The following RCAN1 variants were observed in gnomAD, a reference collection of about 807,000 sequenced individuals.
The protein encoded by RCAN1 is regulator of calcineurin 1, also known as calcipressin-1.
In RCAN1, 11 loss-of-function variants were observed where a neutral mutation model predicts 22.9. The observed-to-expected ratio is 0.48, with a 90% confidence interval of 0.30 to 0.79. RCAN1 has a LOEUF of 0.79. Ranked by LOEUF, RCAN1 falls within the 30% of genes least tolerant of loss-of-function variation. RCAN1 has a pLI of 0.06. For synonymous variants in RCAN1, 136 were observed against 142.3 expected, an observed-to-expected ratio of 0.96 and a Z score of 0.32; for missense variants, 291 against 337.8, an observed-to-expected ratio of 0.86 and a Z score of 1.09.
At chr21:34,601,691 G>A (rs1036196944) in intron 1 of RCAN1, among the ~76,000 whole-genome samples, 10 of 151,926 alleles carry the variant, frequency 6.6e-5, no homozygotes, top group Admixed American at 2.0e-4. Context: ...GGTGGTGGGC[G>A]CCTGTAGTCC....
At chr21:34,540,524 T>G (rs1985866127) in intron 1 of RCAN1, among the ~76,000 whole-genome samples, 1 of 152,166 alleles carries the variant, frequency 6.6e-6, no homozygotes, top group Non-Finnish European at 1.5e-5. Context: ...GTTCTTAGTA[T>G]TTACCACACT....
chr21:34,601,615 G>C (rs1439793631), intron 1 of RCAN1, among the ~76,000 whole-genome samples: 1 of 152,086 alleles, frequency 6.6e-6, no homozygotes, highest in Non-Finnish European at 1.5e-5. Flanking sequence ...TCAGGAGATC[G>C]AGATCATCTT....
At position 34,615,040 on chromosome 21, in the gene RCAN1, C is replaced by T; in HGVS notation, c.-29G>A. On this transcript the variant is annotated 5_prime_UTR_variant, in exon 1 of 4. Coordinates refer to ENST00000313806, the MANE Select transcript of RCAN1 (RefSeq NM_004414.7). ...CGCGCCCGCGCGACCCTGTGCGCCC[C>T]AGCGGGCTGCTCCGGGCTTGCGCGC... The T allele has an allele frequency of 9.7e-7, 1 of 1,030,268 alleles. No individual in the cohort carries two copies. The highest frequency in any genetic ancestry group is 1.2e-6 in the Non-Finnish European group (1 of 861,264). 63.8% of individuals were successfully genotyped at this position (1,030,268 alleles called of 1,614,324 possible). A position where few individuals can be genotyped will look rare whatever the true frequency, so the allele number is the denominator to read the frequency against.
rs1478532959 is a variant in RCAN1, at chr21:34,605,927, A to C, written c.252+8833T>G. On this transcript the variant is annotated intron_variant, in intron 1 of 3. Coordinates refer to ENST00000313806, the MANE Select transcript of RCAN1 (RefSeq NM_004414.7). Reference sequence around the variant, plus strand: ...AGAGCAAGACTCGGTCTCAGAAAAAAAAAAAAAAAAAAAGATGATGAGCAG... The same window carrying C: ...AGAGCAAGACTCGGTCTCAGAAAAACAAAAAAAAAAAAAGATGATGAGCAG... Among the ~76,000 whole-genome samples the C allele has an allele frequency of 1.6e-4, 25 of 151,868 alleles. No homozygotes were observed. In the East Asian group the frequency reaches 1.9e-3, roughly 12 times the overall value.
intron 1 of RCAN1, among the ~76,000 whole-genome samples, chr21:34,550,331 T>G (rs930111907): frequency 6.6e-6 from 1 of 152,200 alleles, no homozygotes; most frequent in African/African-American, 2.4e-5. Context: ...TTGGCTGAAA[T>G]GAACTCCTCC....
At chr21:34,588,131 A>G (rs894991186) in intron 1 of RCAN1, among the ~76,000 whole-genome samples, 1 of 152,212 alleles carries the variant, frequency 6.6e-6, no homozygotes, top group East Asian at 1.9e-4. Context: ...TATTGGTTCT[A>G]TTTCTCTGGA....
At chr21:34,524,783 G>A in intron 1 of RCAN1, 1 of 301,618 alleles carries the variant, frequency 3.3e-6, no homozygotes. Flanking sequence ...CTCGAGGTGG[G>A]GGATTACAAG....
intron 1 of RCAN1, among the ~76,000 whole-genome samples, chr21:34,534,018 C>T (rs1391295766): frequency 1.3e-5 from 2 of 152,124 alleles, no homozygotes; most frequent in African/African-American, 4.8e-5. Context: ...TTGGAAGGAC[C>T]CTGGCTTGTA....
chr21:34,537,170 C>G (rs1231316919), intron 1 of RCAN1, among the ~76,000 whole-genome samples: 1 of 152,184 alleles, frequency 6.6e-6, no homozygotes, highest in East Asian at 1.9e-4. Context: ...AAGCAAGACC[C>G]CACCACAACT....
At chr21:34,555,436 G>T (rs1162839917) in intron 1 of RCAN1, among the ~76,000 whole-genome samples, 1 of 151,980 alleles carries the variant, frequency 6.6e-6, no homozygotes, top group African/African-American at 2.4e-5. Context: ...TGATTGGCAG[G>T]GTGGCTCATG....
In RCAN1 at chr21:34,614,266, A is replaced by C; in HGVS notation, c.252+494T>G. On this transcript the variant is annotated intron_variant, in intron 1 of 3. Transcript: ENST00000313806. The surrounding 1 kb of genome is among the most constrained non-coding windows in gnomAD (Gnocchi z 6.0). ...GCCAGCCGCTGGCTAATGAGCAACCACGGATCCTCACCCAAACATTGGCTT... is the reference window on the plus strand; with the variant it reads ...GCCAGCCGCTGGCTAATGAGCAACCCCGGATCCTCACCCAAACATTGGCTT... The C allele has an allele frequency of 1.0e-6, 1 of 994,112 alleles. No individual in the cohort carries two copies. The highest frequency in any genetic ancestry group is 1.2e-6 in the Non-Finnish European group (1 of 836,114). The allele number at this position is 994,112 out of a possible 1,614,324, so 61.6% of individuals were successfully genotyped here. A position where few individuals can be genotyped will look rare whatever the true frequency, so the allele number is the denominator to read the frequency against.
chr21:34,543,495 T>C (rs9636878), intron 1 of RCAN1, among the ~76,000 whole-genome samples: 36,368 of 152,164 alleles, frequency 0.24, 5,053 homozygotes, highest in African/African-American at 0.38. Context: ...TTTAGCCCAT[T>C]GAGACTGATT....
chr21:34,581,676 T>G (rs574870444), intron 1 of RCAN1, among the ~76,000 whole-genome samples: 1 of 152,290 alleles, frequency 6.6e-6, no homozygotes, highest in Admixed American at 6.5e-5. Flanking sequence ...AAAGCCTCCA[T>G]TGCCTACAGG....
At chr21:34,605,279 AAAC>A (rs1164380988) in intron 1 of RCAN1, among the ~76,000 whole-genome samples, 4 of 152,198 alleles carry the variant, frequency 2.6e-5, no homozygotes, top group African/African-American at 9.7e-5. Flanking sequence ...TCCTGCTCTC[AAAC>A]ATTAGACTCC....
At chr21:34,546,628 T>C (rs1298303125) in intron 1 of RCAN1, among the ~76,000 whole-genome samples, 1 of 152,190 alleles carries the variant, frequency 6.6e-6, no homozygotes, top group Non-Finnish European at 1.5e-5. Flanking sequence ...AGACACTGCA[T>C]GCTCACATAC....
At chr21:34,569,055 C>T (rs554958968) in intron 1 of RCAN1, among the ~76,000 whole-genome samples, 1 of 152,260 alleles carries the variant, frequency 6.6e-6, no homozygotes, top group Admixed American at 6.5e-5. Flanking sequence ...GGGACACCGC[C>T]CCCAGGATTC....
intron 1 of RCAN1, among the ~76,000 whole-genome samples, chr21:34,591,502 A>G (rs1202360508): frequency 2.0e-5 from 3 of 152,116 alleles, no homozygotes; most frequent in East Asian, 3.9e-4. Context: ...ACGGTGGCAG[A>G]TGGGAAGGGT....
intron 1 of RCAN1, among the ~76,000 whole-genome samples, chr21:34,595,791 G>T (rs1988129617): frequency 6.6e-6 from 1 of 152,240 alleles, no homozygotes; most frequent in African/African-American, 2.4e-5. Context: ...GGGGGCCACT[G>T]GGCAGGCCGG....
intron 1 of RCAN1, among the ~76,000 whole-genome samples, chr21:34,591,144 A>G (rs771682576): frequency 1.3e-5 from 2 of 152,198 alleles, no homozygotes; most frequent in Non-Finnish European, 2.9e-5. Flanking sequence ...CTAAATACGT[A>G]TTTATGCACC....
Sources: allele counts gnomAD v4.1 joint callset (sites outside exome capture counted in the v4.1 genomes callset), GRCh38; gene constraint gnomAD v4.1.1; non-coding constraint Gnocchi (gnomAD v3.1); transcripts MANE v1.5; gene names NCBI Gene and HGNC (gene_info 2026-07-23, HGNC 2026-07-21).